Variants in DHRS12 observed in about 807,000 individuals in gnomAD.
The protein encoded by DHRS12 is dehydrogenase/reductase SDR family member 12.
In DHRS12, 29 loss-of-function variants were observed where a neutral mutation model predicts 32.1. The observed-to-expected ratio is 0.90, with a 90% CI of 0.67 to 1.23. The LOEUF (loss-of-function observed/expected upper bound fraction) is 1.23, where lower values mean the gene tolerates loss of function less well. Ranked by LOEUF, DHRS12 falls within the 50% of genes most tolerant of loss-of-function variation. The pLI is 0.00. For missense variants in DHRS12, 330 were observed against 337.2 expected, an observed-to-expected ratio of 0.98 and a Z score of 0.17; for synonymous variants, 150 against 135.9, an observed-to-expected ratio of 1.10 and a Z score of -0.72.
chr13:51,767,971 A>G, downstream of DHRS12: 24 of 1,358,608 alleles, frequency 1.8e-5, no homozygotes, highest in Non-Finnish European at 2.3e-5. Context: ...ACTTAAAATA[A>G]GAAAAGAACC....
intron 3 of DHRS12, 75 bp downstream of exon 3, chr13:51,791,090 A>T: frequency 1.0e-6 from 1 of 998,068 alleles, no homozygotes. Context: ...GCAAACATAC[A>T]TATCCGTCCA....
At position 51,782,270 on chromosome 13, in the gene DHRS12, A is replaced by C. The variant is rs492869; in HGVS notation, c.302-5149T>G. On this transcript the variant is annotated intron_variant, in intron 4 of 8. Transcript: ENST00000444610. This position sits in a 1 kb window ranked among gnomAD's most constrained non-coding sequence, Gnocchi z 4.2. ...GGCACATGATGGCATTGGGGCAAGG[A>C]TGAGATCCCAACAGAGAGTGTGGGA... is the stretch of plus-strand genomic sequence containing the variant. Among the ~76,000 whole-genome samples, 17 of 151,814 alleles carry C rather than the reference A, an allele frequency of 1.1e-4. No homozygotes were observed. Among genetic ancestry groups the C allele is most frequent in the Non-Finnish European group, 2.2e-4 (15 of 67,942 alleles).
chr13:51,777,537 C>T (rs1172174424), intron 4 of DHRS12, among the ~76,000 whole-genome samples: 1 of 152,188 alleles, frequency 6.6e-6, no homozygotes, highest in African/African-American at 2.4e-5. Flanking sequence ...CTTTGCTATA[C>T]ATTTCTGCAC....
At chr13:51,789,254 A>C (rs959545511) in intron 4 of DHRS12, among the ~76,000 whole-genome samples, 5 of 152,206 alleles carry the variant, frequency 3.3e-5, no homozygotes, top group Non-Finnish European at 5.9e-5. Flanking sequence ...ACTACAAGGA[A>C]GTAGGATAGG....
At position 51,800,642 on chromosome 13, in the gene DHRS12, A is replaced by C. The variant is rs559986250; in HGVS notation, c.-8-975T>G. ...CCACAGGACCTGTTTACAAAAGGGT[A>C]GCCAACAGCTGGCCTCCTGCCCCAT... On this transcript the variant is annotated intron_variant, in intron 1 of 8. Coordinates refer to ENST00000444610, the MANE Select transcript of DHRS12 (RefSeq NM_001377533.1). Among the ~76,000 whole-genome samples, 84 of 152,388 alleles carry C rather than the reference A, an allele frequency of 5.5e-4. 1 individual carries two copies. The highest frequency in any genetic ancestry group is 9.8e-4 in the Admixed American group (15 of 15,312).
intron 1 of DHRS12, among the ~76,000 whole-genome samples, chr13:51,800,488 ACT>A (rs1955701615): frequency 6.6e-6 from 1 of 152,198 alleles, no homozygotes; most frequent in Non-Finnish European, 1.5e-5. Flanking sequence ...CAGAGGGCAG[ACT>A]CTGCCCACGC....
At chr13:51,766,773 A>G (rs1953763542), downstream of DHRS12, 1 of 152,274 alleles carries the variant, frequency 6.6e-6, no homozygotes, top group African/African-American at 2.4e-5. Flanking sequence ...ACGGTTTAAA[A>G]TAAATCTCTG....
At chr13:51,778,074 G>A (rs1954528531) in intron 4 of DHRS12, among the ~76,000 whole-genome samples, 1 of 152,238 alleles carries the variant, frequency 6.6e-6, no homozygotes, top group Non-Finnish European at 1.5e-5. Context: ...CCAGCTCGCA[G>A]GAGCTGCCTG....
chr13:51,757,758 A>G, the DHRS12 span, among the ~76,000 whole-genome samples: 1 of 152,114 alleles, frequency 6.6e-6, no homozygotes, highest in Admixed American at 6.5e-5. Flanking sequence ...AAAAGGAAAA[A>G]TGAATGGAGG....
At chr13:51,787,723 C>T (rs1955023750) in intron 4 of DHRS12, among the ~76,000 whole-genome samples, 1 of 128,658 alleles carries the variant, frequency 7.8e-6, no homozygotes, top group Non-Finnish European at 1.6e-5. Context: ...TTATATAAAA[C>T]ATATATACAT....
At chr13:51,797,293 G>A (rs1229699471) in intron 2 of DHRS12, among the ~76,000 whole-genome samples, 1 of 152,034 alleles carries the variant, frequency 6.6e-6, no homozygotes, top group African/African-American at 2.4e-5. Context: ...CAAGGGTCTT[G>A]CATTTTCATT....
At chr13:51,772,461 A>T (rs540786232) in intron 6 of DHRS12, among the ~76,000 whole-genome samples, 254 of 152,304 alleles carry the variant, frequency 1.7e-3, no homozygotes, top group Non-Finnish European at 2.8e-3. Context: ...AGTCTCTACT[A>T]AAAATGCAAA....
At chr13:51,803,948 CGA>C in intron 1 of DHRS12, 104 bp downstream of exon 1, 2 of 1,087,432 alleles carry the variant, frequency 1.8e-6, no homozygotes, top group Non-Finnish European at 2.4e-6. Flanking sequence ...GTCGGCCCAG[CGA>C]GAGGGCGAAG....
At position 51,799,651 on chromosome 13, in the gene DHRS12, C is replaced by A; in HGVS notation, c.9G>T (p.Leu3=). 1.2e-6 allele frequency: 2 copies of A among 1,614,020 alleles called. No individual in the cohort carries two copies. The highest frequency in any genetic ancestry group is 1.7e-4 in the Middle Eastern group (1 of 6,056). Residue 3 remains leucine, a synonymous_variant, in exon 2 of 9, where the codon CTG becomes CTT. Transcript: ENST00000444610. MN[L]HVKTLSLMTW... ...TCATGAGGGACAAAGTCTTTACATG[C>A]AGATTCATAGCCACTCCTAGAAAGA...
In DHRS12 at chr13:51,791,270, G is replaced by GT; in HGVS notation, c.127-14_127-13insA. 9.1e-7 allele frequency: 1 copy of GT among 1,097,032 alleles called. No homozygotes were observed. The allele number at this position is 1,097,032 out of a possible 1,614,324, so 68.0% of individuals were successfully genotyped here. On this transcript the variant is annotated splice_polypyrimidine_tract_variant and intron_variant, in intron 2 of 8. Transcript: ENST00000444610. Reference sequence around the variant, plus strand: ...GCAGAAAAATGTTCTAAATTAGAAAGCAAAAAAAAAAAAAACCCTTTTTAA... The same window carrying GT: ...GCAGAAAAATGTTCTAAATTAGAAAGTCAAAAAAAAAAAAAACCCTTTTTAA...
At chr13:51,803,536 C>T (rs1955850821) in intron 1 of DHRS12, 1 of 152,398 alleles carries the variant, frequency 6.6e-6, no homozygotes, top group Non-Finnish European at 1.5e-5. Context: ...ACGAAACCAC[C>T]ACGCACCGTT....
the DHRS12 span, chr13:51,760,387 C>T: frequency 5.3e-5 from 8 of 152,286 alleles, no homozygotes; most frequent in Admixed American, 2.6e-4. Context: ...ATGTCTGCCT[C>T]ATTCACGTTC....
chr13:51,756,217 C>T, the DHRS12 span: 1 of 1,447,946 alleles, frequency 6.9e-7, no homozygotes, highest in Non-Finnish European at 9.3e-7. Flanking sequence ...CTCTCTTGTT[C>T]AGCATCCTCA....
chr13:51,762,127 A>G, the DHRS12 span: 1 of 152,238 alleles, frequency 6.6e-6, no homozygotes, highest in African/African-American at 2.4e-5. Context: ...ATAGAGCTGA[A>G]TCACTCCATT....
Sources: gnomAD v4.1 joint callset for allele counts (sites outside exome capture counted in the v4.1 genomes callset) on GRCh38, gnomAD v4.1.1 for gene constraint, Gnocchi (gnomAD v3.1) non-coding constraint, MANE v1.5 for transcripts, NCBI Gene and HGNC (gene_info 2026-07-23, HGNC 2026-07-21) for gene names.